The following ZNF266 variants were observed in gnomAD, a reference collection of about 807,000 sequenced individuals.
The protein encoded by ZNF266 is zinc finger protein 266.
In ZNF266, 16 loss-of-function variants were observed where a neutral mutation model predicts 16.4. The observed-to-expected ratio is 0.98, with a 90% CI of 0.66 to 1.48. The LOEUF (loss-of-function observed/expected upper bound fraction) is 1.48. Among genes scored for constraint, ZNF266 ranks in the 40% most tolerant of loss-of-function variants. The pLI is 0.00. For synonymous variants in ZNF266, 262 were observed against 237.9 expected (o/e 1.10, Z -0.93); for missense variants, 738 against 689.1 (o/e 1.07, Z -0.79).
rs887435547 is a variant in ZNF266 at position 9,418,593 on chromosome 19, G to A, written c.147C>T (p.Thr49=). The part of the protein sequence containing the change: ...VTFDDLAVDF[T]PEEWTLLDPT... ...GGTCCAGTAAAGTCCATTCTTCTGG[G>A]GTGAAGTCCACAGCCAGATCATCAA... Residue 49 remains threonine, a synonymous_variant, in exon 8 of 11, where the codon ACC becomes ACT. Coordinates refer to ENST00000592904, the MANE Select transcript of ZNF266 (RefSeq NM_001370374.1). The A allele has an allele frequency of 9.5e-6, 15 of 1,575,536 alleles. No individual in the cohort carries two copies. The African/African-American group carries it at 1.6e-4, about 17-fold the overall frequency.
At chr19:9,425,324 C>T (rs1413949429) in intron 5 of ZNF266, among the ~76,000 whole-genome samples, 2 of 152,180 alleles carry the variant, frequency 1.3e-5, no homozygotes, top group Admixed American at 1.3e-4. Context: ...AGCAGCCTCC[C>T]ATCCTGGGGA....
chr19:9,414,742 A>T, intron 10 of ZNF266, 22 bp from the exon 11 acceptor site: 1 of 1,533,350 alleles, frequency 6.5e-7, no homozygotes, highest in Non-Finnish European at 8.8e-7. Flanking sequence ...GGAATGAATG[A>T]TGATTAAAGG....
rs2068595484 is a variant in ZNF266 at position 9,413,916 on chromosome 19, AG to A, written c.1209del (p.Ser404HisfsTer13). Reference sequence around the variant, plus strand: ...ATTCGAAAGTGATCACTGAGGCATGAGGAATTTCTAAAGGATTTTCCACATA... The same window carrying A: ...ATTCGAAAGTGATCACTGAGGCATGAGAATTTCTAAAGGATTTTCCACATA... ...CKICGKSFRN[S>X]SCLSDHFRIH... On this transcript the variant is annotated frameshift_variant, in exon 11 of 11. Coordinates refer to ENST00000592904, the MANE Select transcript of ZNF266 (RefSeq NM_001370374.1). LOFTEE classifies it low-confidence loss of function (END_TRUNC). The A allele has an allele frequency of 6.2e-7, 1 of 1,614,042 alleles. No individual in the cohort carries two copies. The highest frequency in any genetic ancestry group is 8.5e-7 in the Non-Finnish European group (1 of 1,180,008).
chr19:9,434,958 C>T (rs150024528), intron 2 of ZNF266, 99 bp from the exon 3 acceptor site: 1 of 152,236 alleles, frequency 6.6e-6, no homozygotes, highest in East Asian at 1.9e-4. Context: ...AGAGAAATAA[C>T]CACACCCCAG....
At position 9,426,248 on chromosome 19, in the gene ZNF266, G is replaced by A. The variant is rs143621326; in HGVS notation, c.-129-6030C>T. On this transcript the variant is annotated intron_variant, in intron 5 of 10. Transcript: ENST00000592904. The stretch of plus-strand genomic sequence containing the variant: ...GAGGCCAGAGGACCCGGGGCCACTC[G>A]GGACCACCGGGAGCTTGTCAGGTAA... 4.9e-3 allele frequency among the ~76,000 whole-genome samples: 746 copies of A among 152,084 alleles called. 6 individuals carry two copies. Among genetic ancestry groups the A allele is most frequent in the African/African-American group, 0.017 (698 of 41,488 alleles).
At chr19:9,417,747 C>CA (rs113205807) in intron 9 of ZNF266, 81 bp downstream of exon 9, 102,783 of 940,488 alleles carry the variant, frequency 0.11, 10 homozygotes, top group East Asian at 0.12. Flanking sequence ...GACTCCATCT[C>CA]AAAAAAAAAA....
chr19:9,426,491 C>CAAA (rs1051219510), intron 5 of ZNF266, among the ~76,000 whole-genome samples: 226 of 142,588 alleles, frequency 1.6e-3, no homozygotes, highest in Middle Eastern at 3.6e-3. Flanking sequence ...AGTCTAAGAC[C>CAAA]AAAAAAAAAG....
intron 5 of ZNF266, among the ~76,000 whole-genome samples, chr19:9,425,440 G>C (rs1290239422): frequency 6.6e-6 from 1 of 152,158 alleles, no homozygotes; most frequent in East Asian, 1.9e-4. Context: ...TCCCGGTCTG[G>C]GTAGGGCTAG....
rs202209576 is a variant in ZNF266 at position 9,413,754 on chromosome 19, T to G, written c.1372A>C (p.Arg458=). The stretch of plus-strand genomic sequence containing the variant: ...GTATGTTCACTAAGGCGAGAGGATC[T>G]GGCAAAGGCCTTTCCACATTCCTTA... ...ECKECGKAFA[R]SSRLSEHTRT... Residue 458 remains arginine, a synonymous_variant, in exon 11 of 11, where the codon AGA becomes CGA. Coordinates refer to ENST00000592904, the MANE Select transcript of ZNF266 (RefSeq NM_001370374.1). 18 of 1,614,154 alleles carry G rather than the reference T, an allele frequency of 1.1e-5. No homozygotes were observed. The Admixed American group carries it at 3.0e-4, about 27-fold the overall frequency.
intron 5 of ZNF266, among the ~76,000 whole-genome samples, chr19:9,428,883 T>C (rs971162764): frequency 6.9e-6 from 1 of 145,248 alleles, no homozygotes; most frequent in African/African-American, 2.6e-5. Context: ...CATATATATT[T>C]CACTTCTTTT....
chr19:9,415,019 G>A (rs1241107180), intron 10 of ZNF266, among the ~76,000 whole-genome samples: 1 of 152,204 alleles, frequency 6.6e-6, no homozygotes, highest in African/African-American at 2.4e-5. Flanking sequence ...TGTTGGCTGG[G>A]CGCAGTGGCT....
intron 5 of ZNF266, among the ~76,000 whole-genome samples, chr19:9,421,998 C>T (rs2069985509): frequency 6.6e-6 from 1 of 152,098 alleles, no homozygotes; most frequent in Non-Finnish European, 1.5e-5. Context: ...CTATAGGCAC[C>T]CGCCACCACA....
chr19:9,413,516 C>T lies in ZNF266; in HGVS notation c.1610G>A (p.Gly537Asp). Residue 537 changes from glycine (G) to aspartate (D), a missense_variant, in exon 11 of 11, where the codon GGC (glycine) becomes GAC (aspartate). Coordinates refer to ENST00000592904, the MANE Select transcript of ZNF266 (RefSeq NM_001370374.1). ...AKKPFTCMECGKAFKFPTCVN... is the reference protein window; with the variant it reads ...AKKPFTCMECDKAFKFPTCVN... ...ACACGTGGGAAACTTAAAAGCTTTG[C>T]CACATTCCATACACGTGAATGGTTT... 2 of 1,613,218 alleles carry T rather than the reference C, an allele frequency of 1.2e-6. No individual in the cohort carries two copies. The highest frequency in any genetic ancestry group is 1.7e-6 in the Non-Finnish European group (2 of 1,179,300).
chr19:9,424,340 G>A (rs7258874), intron 5 of ZNF266, among the ~76,000 whole-genome samples: 92,562 of 151,864 alleles, frequency 0.61, 28,825 homozygotes, highest in African/African-American at 0.73. Context: ...GAAGTGATGA[G>A]GTGTAGAACC....
intron 7 of ZNF266, 21 bp downstream of exon 7, chr19:9,419,193 GAGA>G (rs1414974700): frequency 6.5e-6 from 1 of 154,580 alleles, no homozygotes; most frequent in African/African-American, 2.4e-5. Flanking sequence ...TGATATTTTG[GAGA>G]AGGATATACT....
Position 9,435,362 on chromosome 19 carries a change from G to A in ZNF266, c.-636C>T, listed in dbSNP as rs1047310883. On this transcript the variant is annotated 5_prime_UTR_variant, in exon 1 of 11. Transcript: ENST00000592904. ...GGCTTTTTGAACCTGGCGGCGCCAGGAGGACCCGCGCGGCCCCGGCGGACG... is the reference window on the plus strand; with the variant it reads ...GGCTTTTTGAACCTGGCGGCGCCAGAAGGACCCGCGCGGCCCCGGCGGACG... The A allele has an allele frequency of 1.3e-5, 2 of 152,248 alleles. No individual in the cohort carries two copies. Among genetic ancestry groups the A allele is most frequent in the Non-Finnish European group, 2.9e-5 (2 of 68,110 alleles). 9.4% of individuals were successfully genotyped at this position (152,248 alleles called of 1,614,324 possible). A position where few individuals can be genotyped will look rare whatever the true frequency, so the allele number is the denominator to read the frequency against.
At chr19:9,424,992 C>T (rs756632965) in intron 5 of ZNF266, among the ~76,000 whole-genome samples, 6 of 152,148 alleles carry the variant, frequency 3.9e-5, no homozygotes, top group Non-Finnish European at 5.9e-5. Context: ...TTTATCTCAG[C>T]TCCAATACCC....
intron 3 of ZNF266, 134 bp downstream of exon 3, chr19:9,434,664 G>A (rs902137222): frequency 6.6e-6 from 1 of 152,168 alleles, no homozygotes; most frequent in Non-Finnish European, 1.5e-5. Context: ...TTTTTACACA[G>A]GGTACATATT....
At chr19:9,424,570 T>G (rs2123211039) in intron 5 of ZNF266, among the ~76,000 whole-genome samples, 1 of 152,372 alleles carries the variant, frequency 6.6e-6, no homozygotes, top group South Asian at 2.1e-4. Context: ...TCAAGAGCAG[T>G]GACAGAAACA....
Sources: gnomAD v4.1 joint callset for allele counts (sites outside exome capture counted in the v4.1 genomes callset) on GRCh38, gnomAD v4.1.1 for gene constraint, MANE v1.5 for transcripts, NCBI Gene and HGNC (gene_info 2026-07-23, HGNC 2026-07-21) for gene names.